The following CHRNA7 variants were observed in gnomAD, a reference collection of about 807,000 sequenced individuals.
The protein encoded by CHRNA7 is neuronal acetylcholine receptor subunit alpha-7.
A neutral mutation model predicts 48.0 loss-of-function variants in CHRNA7; 17 were observed. That is an observed-to-expected ratio of 0.35 (90% confidence interval 0.24 to 0.53). The LOEUF (loss-of-function observed/expected upper bound fraction) is 0.53. CHRNA7 is among the 20% of genes least tolerant of loss of function. CHRNA7 has a pLI of 0.92. For missense variants in CHRNA7, 155 were observed against 577.7 expected, an observed-to-expected ratio of 0.27 and a Z score of 7.50; for synonymous variants, 75 against 242.3, an observed-to-expected ratio of 0.31 and a Z score of 6.41.
intron 4 of CHRNA7, among the ~76,000 whole-genome samples, chr15:32,146,059 A>C (rs1174923697): frequency 6.6e-6 from 1 of 152,218 alleles, no homozygotes. Flanking sequence ...AGCAACTCCT[A>C]TGTATAAGTC....
chr15:32,062,806 TAGTC>T (rs2049900755), intron 2 of CHRNA7, among the ~76,000 whole-genome samples: 1 of 152,190 alleles, frequency 6.6e-6, no homozygotes, highest in South Asian at 2.1e-4. Flanking sequence ...TGGTGCTAAA[TAGTC>T]ATTTGATGAT....
intron 2 of CHRNA7, among the ~76,000 whole-genome samples, chr15:32,033,048 C>T (rs1193997041): frequency 2.0e-5 from 3 of 152,084 alleles, no homozygotes; most frequent in Non-Finnish European, 4.4e-5. Flanking sequence ...TTCCAGTGTC[C>T]TTAGGAAATG....
intron 4 of CHRNA7, among the ~76,000 whole-genome samples, chr15:32,125,167 T>A (rs2051044393): frequency 6.7e-6 from 1 of 149,888 alleles, no homozygotes; most frequent in African/African-American, 2.4e-5. Context: ...CTGACAAACT[T>A]TGAACTAATA....
chr15:32,105,501 AAAG>A (rs990935069), intron 3 of CHRNA7, among the ~76,000 whole-genome samples: 3 of 149,342 alleles, frequency 2.0e-5, no homozygotes, highest in Non-Finnish European at 3.0e-5. Context: ...GGAGAGGAGG[AAAG>A]GAGGAGGAGG....
At position 32,170,426 on chromosome 15, in the gene CHRNA7, GTT is replaced by G. The variant is rs71268872; in HGVS notation, c.*1982_*1983del. On this transcript the variant is annotated 3_prime_UTR_variant, in exon 10 of 10. Transcript: ENST00000306901. ...GGATGAACCATGCACAAGATTTTCG[GTT>G]TTTTTTTTTTTTTCTGTTACAGTGT... 0.3 allele frequency: 43,087 copies of G among 144,966 alleles called. 4,612 individuals are homozygous for G. Among genetic ancestry groups the G allele is most frequent in the South Asian group, 0.45 (2,060 of 4,560 alleles). 9.0% of individuals were successfully genotyped at this position (144,966 alleles called of 1,614,324 possible). A position where few individuals can be genotyped will look rare whatever the true frequency, so the allele number is the denominator to read the frequency against.
At chr15:32,140,980 T>C (rs1306609622) in intron 4 of CHRNA7, among the ~76,000 whole-genome samples, 1 of 152,168 alleles carries the variant, frequency 6.6e-6, no homozygotes, top group Non-Finnish European at 1.5e-5. Flanking sequence ...GGTGTTTTAG[T>C]CATGAAGTCT....
chr15:32,030,759 G>C, intron 1 of CHRNA7, 110 bp downstream of exon 1: 3 of 1,512,310 alleles, frequency 2.0e-6, no homozygotes, highest in Non-Finnish European at 2.6e-6. Context: ...CCCGCCGCCG[G>C]GGAGGGGCAG....
chr15:32,076,552 TTGATA>T (rs1332707461), intron 2 of CHRNA7, among the ~76,000 whole-genome samples: 3 of 152,242 alleles, frequency 2.0e-5, no homozygotes, highest in African/African-American at 7.2e-5. Flanking sequence ...ATTGTTTTAT[TTGATA>T]TAAGTTTCTT....
chr15:32,132,257 T>C (rs2141319397), intron 4 of CHRNA7, among the ~76,000 whole-genome samples: 1 of 152,290 alleles, frequency 6.6e-6, no homozygotes, highest in African/African-American at 2.4e-5. Flanking sequence ...TTCTTTGGTC[T>C]GTACCTGTTG....
intron 4 of CHRNA7, among the ~76,000 whole-genome samples, chr15:32,148,682 T>C (rs768850885): frequency 3.9e-5 from 6 of 152,326 alleles, no homozygotes; most frequent in South Asian, 2.1e-4. Context: ...CCCATAAGGA[T>C]TGGGCTTCTG....
intron 2 of CHRNA7, among the ~76,000 whole-genome samples, chr15:32,035,495 G>A (rs1212892243): frequency 1.3e-5 from 2 of 152,174 alleles, no homozygotes; most frequent in Non-Finnish European, 1.5e-5. Flanking sequence ...GGAAGCTTTA[G>A]TCACAAGACC....
At chr15:32,058,850 T>C (rs1219932673) in intron 2 of CHRNA7, among the ~76,000 whole-genome samples, 1 of 152,154 alleles carries the variant, frequency 6.6e-6, no homozygotes, top group Non-Finnish European at 1.5e-5. Context: ...TAAAGTAACA[T>C]CATCTATATG....
chr15:32,037,898 T>C (rs1356743069), intron 2 of CHRNA7, among the ~76,000 whole-genome samples: 1 of 151,730 alleles, frequency 6.6e-6, no homozygotes, highest in Admixed American at 6.6e-5. Flanking sequence ...ATATACTTTT[T>C]ATTTCCTTTT....
intron 2 of CHRNA7, among the ~76,000 whole-genome samples, chr15:32,043,949 C>T (rs753800016): frequency 4.6e-5 from 7 of 152,012 alleles, no homozygotes; most frequent in Non-Finnish European, 7.4e-5. Context: ...TTTGTGTTGC[C>T]GGTTAGTTAC....
At chr15:32,103,639 C>T (rs2141264730) in intron 3 of CHRNA7, among the ~76,000 whole-genome samples, 1 of 152,288 alleles carries the variant, frequency 6.6e-6, no homozygotes, top group East Asian at 1.9e-4. Flanking sequence ...ATGATCTGTG[C>T]TCTCCTGGAA....
chr15:32,055,896 G>A (rs1258092231), intron 2 of CHRNA7, among the ~76,000 whole-genome samples: 5 of 151,872 alleles, frequency 3.3e-5, no homozygotes, highest in Admixed American at 6.6e-5. Context: ...GGAGAATGGC[G>A]TGAACCCGGG....
At chr15:32,108,955 C>T (rs1378882513) in intron 3 of CHRNA7, among the ~76,000 whole-genome samples, 1 of 152,150 alleles carries the variant, frequency 6.6e-6, no homozygotes, top group Non-Finnish European at 1.5e-5. Context: ...CTGTCTGATG[C>T]GGATGCTTTT....
Position 32,097,951 on chromosome 15 carries a change from G to C in CHRNA7, c.196-3352G>C, listed in dbSNP as rs1038892929. On this transcript the variant is annotated intron_variant, in intron 2 of 9. Transcript: ENST00000306901. ...AAGAGAAGGAAACTTCCCTCCTGGGGTGAGGAACTGGATTTTGTCCCTAGG... is the reference window on the plus strand; with the variant it reads ...AAGAGAAGGAAACTTCCCTCCTGGGCTGAGGAACTGGATTTTGTCCCTAGG... 3.3e-5 allele frequency among the ~76,000 whole-genome samples: 5 copies of C among 152,216 alleles called. No homozygotes were observed. In the East Asian group the frequency reaches 9.6e-4, roughly 29 times the overall value.
intron 4 of CHRNA7, among the ~76,000 whole-genome samples, chr15:32,147,612 GA>G (rs1397225194): frequency 2.0e-5 from 3 of 152,080 alleles, no homozygotes; most frequent in Admixed American, 6.5e-5. Context: ...TTAAAAAAAG[GA>G]AATATTCTTG....
Sources: gnomAD v4.1 joint callset for allele counts (sites outside exome capture counted in the v4.1 genomes callset) on GRCh38, gnomAD v4.1.1 for gene constraint, MANE v1.5 for transcripts, NCBI Gene and HGNC (gene_info 2026-07-23, HGNC 2026-07-21) for gene names.